Variants in NYAP2 observed in about 807,000 individuals in gnomAD.
NYAP2 encodes the protein neuronal tyrosine-phosphorylated phosphoinositide-3-kinase adapter 2.
NYAP2 carries 23 observed loss-of-function variants against 50.4 expected under a neutral mutation model. The observed-to-expected ratio is 0.46, with a 90% CI of 0.33 to 0.65. The LOEUF (loss-of-function observed/expected upper bound fraction) is 0.65. Among genes scored for constraint, NYAP2 ranks in the 30% least tolerant of loss-of-function variants. The pLI is 0.02. For synonymous variants in NYAP2, 394 were observed against 365.2 expected, an observed-to-expected ratio of 1.08 and a Z score of -0.90; for missense variants, 885 against 861.0, an observed-to-expected ratio of 1.03 and a Z score of -0.35.
At chr2:225,435,674 C>G (rs577980154) in intron 3 of NYAP2, among the ~76,000 whole-genome samples, 41 of 152,312 alleles carry the variant, frequency 2.7e-4, no homozygotes, top group African/African-American at 9.6e-4. Flanking sequence ...AAAATATCCA[C>G]TTCAGTAACC....
chr2:225,469,029 A>C (rs1315383489), intron 3 of NYAP2, among the ~76,000 whole-genome samples: 1 of 152,240 alleles, frequency 6.6e-6, no homozygotes, highest in Admixed American at 6.5e-5. Context: ...GATCTAATTA[A>C]ACTAAAGAGC....
At chr2:225,666,554 C>T in the NYAP2 span, among the ~76,000 whole-genome samples, 1 of 152,032 alleles carries the variant, frequency 6.6e-6, no homozygotes. Flanking sequence ...GGGGATGGTT[C>T]CAGGCTACAG....
the NYAP2 span, among the ~76,000 whole-genome samples, chr2:225,692,375 A>G: frequency 1.3e-5 from 2 of 152,126 alleles, no homozygotes; most frequent in Admixed American, 1.3e-4. Flanking sequence ...ATATACTCTT[A>G]ATCTCAGGAA....
chr2:225,473,847 C>G (rs992192470), intron 3 of NYAP2, among the ~76,000 whole-genome samples: 1 of 152,188 alleles, frequency 6.6e-6, no homozygotes, highest in African/African-American at 2.4e-5. Flanking sequence ...GCTTTTGTTG[C>G]CATTGCTTTT....
At chr2:225,573,547 G>T (rs920423510) in intron 4 of NYAP2, among the ~76,000 whole-genome samples, 2 of 151,698 alleles carry the variant, frequency 1.3e-5, no homozygotes, top group African/African-American at 4.9e-5. Context: ...ACCACGCCTG[G>T]CCCCAAAATT....
In NYAP2 at chr2:225,650,866, G is replaced by C. The variant is rs1187136909; in HGVS notation, c.1829-566G>C. Among the ~76,000 whole-genome samples, 4 of 152,192 alleles carry C rather than the reference G, an allele frequency of 2.6e-5. No homozygotes were observed. In the East Asian group the frequency reaches 7.7e-4, roughly 29 times the overall value. On this transcript the variant is annotated intron_variant, in intron 6 of 6. Coordinates refer to ENST00000636099, the Ensembl canonical transcript of NYAP2. ...CAGCTAATTTGGGCTCCTCAAATTA[G>C]AGAAGAGGTAGGAGAAAGCTTTTTA... is the stretch of plus-strand genomic sequence containing the variant.
At position 225,624,426 on chromosome 2, in the gene NYAP2, C is replaced by A. The variant is rs191456470; in HGVS notation, c.1619-2491C>A. Among the ~76,000 whole-genome samples the A allele has an allele frequency of 3.7e-4, 57 of 152,256 alleles. No homozygotes were observed. The South Asian group carries it at 7.5e-3, about 20-fold the overall frequency. On this transcript the variant is annotated intron_variant, in intron 5 of 6. Coordinates refer to ENST00000636099, the Ensembl canonical transcript of NYAP2. ...GTTGTTCCTAAGTTGGAAACTGGGG[C>A]AAAAATTGGGGAAGCTAAGTTGTTA... is the stretch of plus-strand genomic sequence containing the variant.
In NYAP2 at chr2:225,582,234, T is replaced by A. The variant is rs1438034743; in HGVS notation, c.817T>A (p.Tyr273Asn). 2 of 1,614,034 alleles carry A rather than the reference T, an allele frequency of 1.2e-6. No individual in the cohort carries two copies. The highest frequency in any genetic ancestry group is 1.7e-6 in the Non-Finnish European group (2 of 1,179,892). Residue 273 changes from tyrosine to asparagine, a missense_variant, in exon 5 of 7, where the codon TAC becomes AAC. Physicochemically the swap from Tyr to Asn is moderately radical, Grantham distance 143. Transcript: ENST00000636099. This position sits in a 1 kb window ranked among gnomAD's most constrained non-coding sequence, Gnocchi z 7.0. ...CGAGGCCGTCTACGAGGAAATGAAG[T>A]ACCCTATCTTTGACGACTTGGGCCA...
At position 225,610,155 on chromosome 2, in the gene NYAP2, T is replaced by C. The variant is rs1409730998; in HGVS notation, c.1619-16762T>C. Among the ~76,000 whole-genome samples the C allele has an allele frequency of 2.0e-5, 3 of 152,130 alleles. No homozygotes were observed. In the East Asian group the frequency reaches 5.8e-4, roughly 29 times the overall value. On this transcript the variant is annotated intron_variant, in intron 5 of 6. Transcript: ENST00000636099. Reference sequence around the variant, plus strand: ...TAAGATTTCATGTACGGTTGGTATGTTGGTCTGCTTAGGCTACTACATCAA... The same window carrying C: ...TAAGATTTCATGTACGGTTGGTATGCTGGTCTGCTTAGGCTACTACATCAA...
intron 4 of NYAP2, among the ~76,000 whole-genome samples, chr2:225,546,921 C>G (rs1157951584): frequency 6.6e-6 from 1 of 152,130 alleles, no homozygotes; most frequent in African/African-American, 2.4e-5. Flanking sequence ...CCTTCCAGGA[C>G]TGGGTCCTTC....
intron 6 of NYAP2, among the ~76,000 whole-genome samples, chr2:225,639,695 C>T (rs1409858824): frequency 6.6e-6 from 1 of 152,154 alleles, no homozygotes; most frequent in East Asian, 1.9e-4. Flanking sequence ...ATTTATTCAT[C>T]TATTTTATTC....
At chr2:225,476,293 G>A (rs1204489991) in intron 3 of NYAP2, among the ~76,000 whole-genome samples, 2 of 151,892 alleles carry the variant, frequency 1.3e-5, no homozygotes, top group Non-Finnish European at 2.9e-5. Flanking sequence ...GGCGCCTGTA[G>A]TCCCAGCTAC....
chr2:225,460,558 A>G (rs538754596), intron 3 of NYAP2, among the ~76,000 whole-genome samples: 3 of 152,304 alleles, frequency 2.0e-5, no homozygotes, highest in Admixed American at 1.3e-4. Flanking sequence ...CTCTGAAGGT[A>G]AGAGAGGAGG....
At chr2:225,655,911 C>CACACACACACACACACACACACAT (rs1559242694), downstream of NYAP2, among the ~76,000 whole-genome samples, 4 of 146,624 alleles carry the variant, frequency 2.7e-5, no homozygotes, top group African/African-American at 1.0e-4. Context: ...CACACACACA[C>CACACACACACACACACACACACAT]ACACACACAC....
intron 4 of NYAP2, among the ~76,000 whole-genome samples, chr2:225,558,543 A>G (rs1247351876): frequency 1.3e-5 from 2 of 152,118 alleles, no homozygotes; most frequent in African/African-American, 4.8e-5. Flanking sequence ...CTCTCTCTCC[A>G]ATAACAGCCA....
chr2:225,702,669 C>T, the NYAP2 span: 3 of 151,608 alleles, frequency 2.0e-5, no homozygotes, highest in Admixed American at 6.6e-5. Flanking sequence ...CCATGTTGGA[C>T]TTGAACATTG....
At chr2:225,512,852 T>TTCCTTCCTAC in intron 3 of NYAP2, among the ~76,000 whole-genome samples, 1 of 123,676 alleles carries the variant, frequency 8.1e-6, no homozygotes, top group South Asian at 2.8e-4. Flanking sequence ...TTTCTTTCTT[T>TTCCTTCCTAC]CTTCCTTCCT....
chr2:225,601,414 C>T (rs200670277), intron 5 of NYAP2, among the ~76,000 whole-genome samples: 27 of 152,232 alleles, frequency 1.8e-4, no homozygotes, highest in Middle Eastern at 3.4e-3. Context: ...GCTGGGATTA[C>T]GGGCGTGGAC....
chr2:225,408,832 G>A, intron 2 of NYAP2, 32 bp from the exon 3 acceptor site: 1 of 1,314,672 alleles, frequency 7.6e-7, no homozygotes, highest in South Asian at 1.2e-5. Flanking sequence ...TCCCCACCCT[G>A]GATAAAAGTA....
Sources: allele counts gnomAD v4.1 joint callset (sites outside exome capture counted in the v4.1 genomes callset), GRCh38; gene constraint gnomAD v4.1.1; non-coding constraint Gnocchi (gnomAD v3.1); transcripts MANE v1.5; gene names NCBI Gene and HGNC (gene_info 2026-07-23, HGNC 2026-07-21).